The following DNAH11 variants were observed in gnomAD, a reference collection of about 807,000 sequenced individuals.
DNAH11 encodes the protein dynein axonemal heavy chain 11, also known as axonemal beta dynein heavy chain 11.
A neutral mutation model predicts 526.0 loss-of-function variants in DNAH11; 442 were observed. The observed-to-expected ratio is 0.84, with a 90% confidence interval of 0.78 to 0.91. The LOEUF is 0.91. DNAH11 is among the 40% of genes least tolerant of loss of function. DNAH11 has a pLI of 0.00. For missense variants in DNAH11, 6,989 were observed against 5,448.7 expected (o/e 1.28, Z -8.90); for synonymous variants, 2,461 against 1,935.9 (o/e 1.27, Z -7.12).
chr7:21,777,333 G>A (rs1023954670), intron 56 of DNAH11, among the ~76,000 whole-genome samples: 1 of 151,796 alleles, frequency 6.6e-6, no homozygotes, highest in African/African-American at 2.4e-5. Context: ...ACCACTGAAG[G>A]GCATCTGGGT....
chr7:21,731,783 C>T (rs1583638525), intron 45 of DNAH11, among the ~76,000 whole-genome samples: 3 of 152,114 alleles, frequency 2.0e-5, no homozygotes, highest in African/African-American at 4.8e-5. Flanking sequence ...TTTATCCCAC[C>T]GAGGATGGTA....
chr7:21,659,721 G>A (rs1003581944), intron 30 of DNAH11, among the ~76,000 whole-genome samples: 2 of 152,042 alleles, frequency 1.3e-5, no homozygotes, highest in Admixed American at 1.3e-4. Context: ...AGTGAACCTG[G>A]TAGGATTGTA....
At chr7:21,768,910 T>C (rs1325522431) in intron 55 of DNAH11, among the ~76,000 whole-genome samples, 1 of 152,214 alleles carries the variant, frequency 6.6e-6, no homozygotes, top group Non-Finnish European at 1.5e-5. Context: ...TAAGCACAGT[T>C]CTTTATTTGA....
At chr7:21,858,779 G>A (rs1782950688) in intron 68 of DNAH11, among the ~76,000 whole-genome samples, 1 of 152,098 alleles carries the variant, frequency 6.6e-6, no homozygotes, top group Non-Finnish European at 1.5e-5. Flanking sequence ...AAGTAGAAAG[G>A]TTCTTTATCT....
chr7:21,681,554 G>C lies in DNAH11; in HGVS notation c.5337G>C (p.Gln1779His). The C allele has an allele frequency of 6.2e-7, 1 of 1,613,688 alleles. No individual in the cohort carries two copies. Among genetic ancestry groups the C allele is most frequent in the Non-Finnish European group, 8.5e-7 (1 of 1,179,686 alleles). ...LKDFHKKQIS[Q>H]LNTLITLLLG... ...AAAATGATTCCTTCTAGATTTCTCA[G>C]CTGAATACACTGATTACACTTTTGC... Residue 1779 changes from glutamine to histidine, a missense_variant, in exon 31 of 82, where the codon CAG (glutamine) becomes CAC (histidine). Transcript: ENST00000409508.
At chr7:21,815,917 T>C (rs1235594652) in intron 63 of DNAH11, among the ~76,000 whole-genome samples, 1 of 152,010 alleles carries the variant, frequency 6.6e-6, no homozygotes, top group Non-Finnish European at 1.5e-5. Flanking sequence ...GCATAGATAA[T>C]TTCCTCTCAG....
intron 65 of DNAH11, among the ~76,000 whole-genome samples, chr7:21,821,191 A>C (rs1319910101): frequency 1.3e-5 from 2 of 152,198 alleles, no homozygotes; most frequent in Non-Finnish European, 2.9e-5. Flanking sequence ...TAGGAATGAG[A>C]GTAAGTGTAG....
chr7:21,701,236 C>A (rs1784044705), intron 36 of DNAH11, among the ~76,000 whole-genome samples: 1 of 151,770 alleles, frequency 6.6e-6, no homozygotes. Context: ...TATTGTGACT[C>A]AGTGCATACA....
At chr7:21,681,081 T>A (rs1267630947) in intron 30 of DNAH11, among the ~76,000 whole-genome samples, 3 of 152,060 alleles carry the variant, frequency 2.0e-5, no homozygotes, top group Non-Finnish European at 4.4e-5. Context: ...GGTAATAATA[T>A]TGTGATTTCT....
At chr7:21,588,967 C>G (rs2042651864) in intron 11 of DNAH11, among the ~76,000 whole-genome samples, 1 of 152,010 alleles carries the variant, frequency 6.6e-6, no homozygotes, top group South Asian at 2.1e-4. Context: ...CCTTTTTCTT[C>G]TCTTCCTAGG....
rs774981004 is a variant in DNAH11, at chr7:21,635,945, A to G, written c.4575A>G (p.Lys1525=). The change falls in exon 26 of 82, where the codon AAA becomes AAG. Residue 1525 remains lysine, a synonymous_variant. Transcript: ENST00000409508. ...FIEQVLSWQN[K]LNIADLVIFT... is the part of the protein sequence containing the mutation. The stretch of plus-strand genomic sequence containing the variant: ...AGCAAGTGTTAAGCTGGCAAAATAA[A>G]TTAAACATAGCAGACTTGGTCATCT... 1.2e-6 allele frequency: 2 copies of G among 1,613,506 alleles called. No individual in the cohort carries two copies. The highest frequency in any genetic ancestry group is 8.5e-7 in the Non-Finnish European group (1 of 1,179,678).
intron 44 of DNAH11, among the ~76,000 whole-genome samples, chr7:21,721,789 A>G (rs949154697): frequency 1.3e-5 from 2 of 152,092 alleles, no homozygotes; most frequent in Non-Finnish European, 2.9e-5. Flanking sequence ...GGGGATCACA[A>G]TTCGGTTTGT....
At chr7:21,595,506 G>A (rs1195580184) in intron 14 of DNAH11, among the ~76,000 whole-genome samples, 1 of 152,176 alleles carries the variant, frequency 6.6e-6, no homozygotes, top group Non-Finnish European at 1.5e-5. Context: ...TGGATGTGGA[G>A]CACGAAAGAA....
In DNAH11 at chr7:21,877,223, C is replaced by CT. The variant is rs542697482; in HGVS notation, c.12196-3471dup. Among the ~76,000 whole-genome samples the CT allele has an allele frequency of 8.6e-5, 13 of 151,914 alleles. No individual in the cohort carries two copies. In the South Asian group the frequency reaches 1.5e-3, roughly 17 times the overall value. ...GGGTATTTTTCAAATCTAATTAAAC[C>CT]TTTTTTTTCTTTTTTTTGCTCTGTC... is the stretch of plus-strand genomic sequence containing the variant. On this transcript the variant is annotated intron_variant, in intron 74 of 81. Coordinates refer to ENST00000409508, the MANE Select transcript of DNAH11 (RefSeq NM_001277115.2).
chr7:21,665,279 T>G (rs892820589), intron 30 of DNAH11, among the ~76,000 whole-genome samples: 7 of 152,176 alleles, frequency 4.6e-5, no homozygotes, highest in African/African-American at 1.7e-4. Flanking sequence ...TTTAATATAT[T>G]GCAAGACCAC....
intron 46 of DNAH11, among the ~76,000 whole-genome samples, chr7:21,737,659 A>G (rs1785675275): frequency 6.6e-6 from 1 of 152,224 alleles, no homozygotes; most frequent in African/African-American, 2.4e-5. Context: ...GACATGAAGT[A>G]CCATTTATAG....
rs1301860386 is a variant in DNAH11 at position 21,815,859 on chromosome 7, C to A, written c.10333-608C>A. Among the ~76,000 whole-genome samples, 3 of 152,042 alleles carry A rather than the reference C, an allele frequency of 2.0e-5. No homozygotes were observed. The South Asian group carries it at 6.2e-4, about 32-fold the overall frequency. On this transcript the variant is annotated intron_variant, in intron 63 of 81. Transcript: ENST00000409508. Reference sequence around the variant, plus strand: ...GCTCTCTCCACCCCACTTGCCCCTCCCTCCTCGATTGCCCCTCCCCAACCC... The same window carrying A: ...GCTCTCTCCACCCCACTTGCCCCTCACTCCTCGATTGCCCCTCCCCAACCC...
intron 2 of DNAH11, among the ~76,000 whole-genome samples, chr7:21,553,451 TAGGG>T (rs1783099265): frequency 6.6e-6 from 1 of 151,960 alleles, no homozygotes; most frequent in African/African-American, 2.4e-5. Context: ...GTTGGTGACT[TAGGG>T]AGGAGGGATC....
chr7:21,753,444 A>G (rs1786497923), intron 54 of DNAH11, among the ~76,000 whole-genome samples: 3 of 152,222 alleles, frequency 2.0e-5, no homozygotes, highest in Non-Finnish European at 4.4e-5. Context: ...AGTATCAGTC[A>G]TTCCAGTGCC....
Sources: gnomAD v4.1 joint callset for allele counts (sites outside exome capture counted in the v4.1 genomes callset) on GRCh38, gnomAD v4.1.1 for gene constraint, MANE v1.5 for transcripts, NCBI Gene and HGNC (gene_info 2026-07-23, HGNC 2026-07-21) for gene names.